The following CDYL2 variants were observed in gnomAD, a reference collection of about 807,000 sequenced individuals.
CDYL2 encodes the protein chromodomain Y-like protein 2.
CDYL2 carries 23 observed loss-of-function variants against 49.4 expected under a neutral mutation model. The ratio of observed to expected loss-of-function variants is 0.47; its 90% CI spans 0.34 to 0.66. CDYL2 has a LOEUF of 0.66. CDYL2 is among the 30% of genes least tolerant of loss of function. CDYL2 has a pLI of 0.01. For synonymous variants in CDYL2, 360 were observed against 268.8 expected (o/e 1.34, Z -3.32); for missense variants, 678 against 656.4 (o/e 1.03, Z -0.36).
chr16:80,804,026 C>T (rs1908017638), intron 1 of CDYL2, 124 bp downstream of exon 1: 15 of 706,246 alleles, frequency 2.1e-5, no homozygotes, highest in Non-Finnish European at 2.6e-5. Context: ...CCGCCGCCGC[C>T]GCCGCGGGCT....
At chr16:80,741,205 T>A (rs1905723960) in intron 1 of CDYL2, among the ~76,000 whole-genome samples, 1 of 150,630 alleles carries the variant, frequency 6.6e-6, no homozygotes, top group African/African-American at 2.4e-5. Flanking sequence ...GTATAAGAAT[T>A]TTATATATAA....
chr16:80,656,865 C>T (rs756457224), intron 2 of CDYL2, among the ~76,000 whole-genome samples: 2 of 152,128 alleles, frequency 1.3e-5, no homozygotes, highest in Non-Finnish European at 2.9e-5. Context: ...TAAGTCTTCC[C>T]TGCAAGATGG....
At chr16:80,668,516 A>T (rs1909365046) in intron 2 of CDYL2, among the ~76,000 whole-genome samples, 1 of 151,586 alleles carries the variant, frequency 6.6e-6, no homozygotes, top group Non-Finnish European at 1.5e-5. Flanking sequence ...ATATAAATAC[A>T]TATACATATA....
At chr16:80,669,304 A>T (rs1909400358) in intron 2 of CDYL2, among the ~76,000 whole-genome samples, 2 of 152,080 alleles carry the variant, frequency 1.3e-5, no homozygotes, top group African/African-American at 4.8e-5. Flanking sequence ...ATACGACGAT[A>T]TATTGACCCC....
In CDYL2 at chr16:80,651,819, G is replaced by A. The variant is rs549162712; in HGVS notation, c.617-18583C>T. Among the ~76,000 whole-genome samples the A allele has an allele frequency of 2.0e-5, 3 of 152,292 alleles. No individual in the cohort carries two copies. The East Asian group carries it at 5.8e-4, about 29-fold the overall frequency. On this transcript the variant is annotated intron_variant, in intron 2 of 6. Transcript: ENST00000570137. ...GTTGAAAAAGTTGATTCCCATGGCG[G>A]TAGGGGCTAACAATTCTGATACTGT...
intron 1 of CDYL2, among the ~76,000 whole-genome samples, chr16:80,728,207 T>G (rs1054840370): frequency 2.0e-5 from 3 of 151,968 alleles, no homozygotes; most frequent in Admixed American, 6.5e-5. Context: ...GAAAAAAATT[T>G]AGACGAATGT....
chr16:80,686,570 T>C (rs572043489), intron 1 of CDYL2, among the ~76,000 whole-genome samples: 1 of 152,314 alleles, frequency 6.6e-6, no homozygotes, highest in African/African-American at 2.4e-5. Context: ...TGATAATTGT[T>C]GAAAATGGGT....
chr16:80,701,206 A>G (rs1003707572), intron 1 of CDYL2, among the ~76,000 whole-genome samples: 1 of 152,244 alleles, frequency 6.6e-6, no homozygotes, highest in Non-Finnish European at 1.5e-5. Context: ...AGACAGAGCT[A>G]TATGTCTTAA....
intron 1 of CDYL2, among the ~76,000 whole-genome samples, chr16:80,768,754 C>T (rs751039527): frequency 2.0e-5 from 3 of 152,146 alleles, no homozygotes; most frequent in Non-Finnish European, 2.9e-5. Flanking sequence ...GGAATTAGGT[C>T]GCCTGGGTTC....
chr16:80,741,915 A>G (rs1389390231), intron 1 of CDYL2, among the ~76,000 whole-genome samples: 2 of 152,262 alleles, frequency 1.3e-5, no homozygotes, highest in Non-Finnish European at 2.9e-5. Flanking sequence ...TGTTTTGGTT[A>G]GTAATTCCAC....
intron 3 of CDYL2, among the ~76,000 whole-genome samples, chr16:80,624,741 C>T (rs1009307404): frequency 4.0e-5 from 6 of 151,832 alleles, no homozygotes; most frequent in African/African-American, 1.5e-4. Context: ...AAGGAAAGAA[C>T]AGGAGAATAT....
At chr16:80,796,653 T>G (rs1236385086) in intron 1 of CDYL2, among the ~76,000 whole-genome samples, 1 of 152,230 alleles carries the variant, frequency 6.6e-6, no homozygotes, top group Non-Finnish European at 1.5e-5. Flanking sequence ...TCTTTTGTTA[T>G]CCAAGTCATC....
At chr16:80,627,454 C>G (rs1378950729) in intron 3 of CDYL2, 1 of 152,180 alleles carries the variant, frequency 6.6e-6, no homozygotes, top group Non-Finnish European at 1.5e-5. Context: ...ATGAATTAAA[C>G]TGAAAATAAA....
chr16:80,618,766 T>C (rs1037395686), intron 4 of CDYL2, among the ~76,000 whole-genome samples: 1 of 152,084 alleles, frequency 6.6e-6, no homozygotes, highest in Non-Finnish European at 1.5e-5. Context: ...ACAGACCCCA[T>C]CCAGCAAAGG....
chr16:80,626,333 A>T (rs898664523), intron 3 of CDYL2, among the ~76,000 whole-genome samples: 1 of 151,834 alleles, frequency 6.6e-6, no homozygotes, highest in Non-Finnish European at 1.5e-5. Context: ...ATAAAAAAAA[A>T]CTGACTATAA....
intron 1 of CDYL2, among the ~76,000 whole-genome samples, chr16:80,765,876 CAAAAAAAAAAAAA>C (rs554710623): frequency 2.1e-5 from 1 of 47,168 alleles, no homozygotes. Flanking sequence ...CCCTCATCTA[CAAAAAAAAAAAAA>C]AAAAAAAAGG....
At chr16:80,789,111 C>CA (rs202009908) in intron 1 of CDYL2, among the ~76,000 whole-genome samples, 1,986 of 146,910 alleles carry the variant, frequency 0.014, 20 homozygotes, top group African/African-American at 0.029. Flanking sequence ...ATTAAAAAGT[C>CA]AAAAAAAAAC....
rs912372239 is a variant in CDYL2, at chr16:80,604,085, C to A, written c.*303G>T. On this transcript the variant is annotated 3_prime_UTR_variant, in exon 7 of 7. Coordinates refer to ENST00000570137, the MANE Select transcript of CDYL2 (RefSeq NM_152342.4). ...AGTGGTCTTCCCCTTCCTGGACCGT[C>A]ATGGTGCATTTCAGCAAGTGGGGAA... 1.8e-5 allele frequency: 7 copies of A among 391,652 alleles called. No individual in the cohort carries two copies. Among genetic ancestry groups the A allele is most frequent in the Non-Finnish European group, 3.3e-5 (7 of 212,220 alleles). The allele number at this position is 391,652 out of a possible 1,614,324, so 24.3% of individuals were successfully genotyped here.
At chr16:80,698,567 G>A (rs1457886555) in intron 1 of CDYL2, among the ~76,000 whole-genome samples, 1 of 152,064 alleles carries the variant, frequency 6.6e-6, no homozygotes, top group East Asian at 1.9e-4. Flanking sequence ...TTAGAGGTGG[G>A]GCTTGGTAGG....
Sources: allele counts gnomAD v4.1 joint callset (sites outside exome capture counted in the v4.1 genomes callset), GRCh38; gene constraint gnomAD v4.1.1; transcripts MANE v1.5; gene names NCBI Gene and HGNC (gene_info 2026-07-23, HGNC 2026-07-21).